The following PTPN20 variants were observed in gnomAD, a reference collection of about 807,000 sequenced individuals.
PTPN20 encodes the protein tyrosine-protein phosphatase non-receptor type 20.
PTPN20 carries 9 observed loss-of-function variants against 35.0 expected under a neutral mutation model. The ratio of observed to expected loss-of-function variants is 0.26; its 90% CI spans 0.15 to 0.45. The LOEUF (loss-of-function observed/expected upper bound fraction) is 0.45, where lower values mean the gene tolerates loss of function less well. Among genes scored for constraint, PTPN20 ranks in the 20% least tolerant of loss-of-function variants. The pLI is 1.00. For synonymous variants in PTPN20, 32 were observed against 100.2 expected (o/e 0.32, Z 4.06); for missense variants, 111 against 312.5 (o/e 0.36, Z 4.86).
intron 5 of PTPN20, among the ~76,000 whole-genome samples, chr10:46,953,591 T>C (rs1214556635): frequency 7.2e-6 from 1 of 137,964 alleles, no homozygotes; most frequent in African/African-American, 3.2e-5. Flanking sequence ...CTTCCTATTA[T>C]CCTAGTTTCC....
At chr10:46,938,271 T>C (rs2042390929) in intron 2 of PTPN20, among the ~76,000 whole-genome samples, 1 of 128,134 alleles carries the variant, frequency 7.8e-6, no homozygotes, top group Non-Finnish European at 1.6e-5. Flanking sequence ...TAAAGAATGT[T>C]GGGTTTTTCT....
At chr10:46,920,757 A>G (rs1244535367) in intron 1 of PTPN20, 1 of 127,298 alleles carries the variant, frequency 7.9e-6, no homozygotes, top group African/African-American at 3.7e-5. Flanking sequence ...TATGTTCCAT[A>G]GGGGATCTTG....
At chr10:46,953,335 TTTTCTTTCTTTC>T (rs201614690) in intron 5 of PTPN20, among the ~76,000 whole-genome samples, 6,127 of 113,454 alleles carry the variant, frequency 0.054, 176 homozygotes, top group African/African-American at 0.07. Context: ...CTTTCATTTC[TTTTCTTTCTTTC>T]TTTCTTTCTT....
intron 9 of PTPN20, among the ~76,000 whole-genome samples, chr10:46,995,032 G>A (rs1306882011): frequency 6.6e-6 from 1 of 152,034 alleles, no homozygotes; most frequent in Non-Finnish European, 1.5e-5. Flanking sequence ...CTGTTACCTT[G>A]GAGATCTCTG....
At chr10:46,938,039 C>T (rs1162981786) in intron 2 of PTPN20, among the ~76,000 whole-genome samples, 4 of 151,526 alleles carry the variant, frequency 2.6e-5, no homozygotes, top group African/African-American at 9.7e-5. Flanking sequence ...AACCTTCTGC[C>T]TCCTGGGTTC....
At chr10:46,995,331 TTC>T (rs1491119054) in intron 9 of PTPN20, among the ~76,000 whole-genome samples, 2 of 140,168 alleles carry the variant, frequency 1.4e-5, no homozygotes, top group Middle Eastern at 3.7e-3. Context: ...AATTTTTTTT[TTC>T]TTTTTTTTTT....
chr10:46,975,694 C>T (rs1191262972), intron 7 of PTPN20, among the ~76,000 whole-genome samples: 106 of 152,062 alleles, frequency 7.0e-4, no homozygotes, highest in Non-Finnish European at 1.3e-3. Flanking sequence ...GATGGAGTCT[C>T]GCTGTCGCCC....
chr10:46,972,261 T>C (rs1163121889), intron 7 of PTPN20, among the ~76,000 whole-genome samples: 107 of 151,876 alleles, frequency 7.0e-4, no homozygotes, highest in African/African-American at 2.4e-3. Context: ...AACCCAACAC[T>C]AAATGAGCAA....
chr10:46,923,244 C>T (rs11592147), intron 1 of PTPN20, among the ~76,000 whole-genome samples: 44,211 of 141,268 alleles, frequency 0.31, 9,707 homozygotes, highest in Non-Finnish European at 0.42. Flanking sequence ...AGAGTGCAGC[C>T]CTGCTGACAC....
intron 1 of PTPN20, among the ~76,000 whole-genome samples, chr10:46,921,553 G>C (rs370226790): frequency 0.017 from 2,572 of 149,792 alleles, 45 homozygotes; most frequent in Non-Finnish European, 0.026. Context: ...TATCAACTTT[G>C]TTTCCTGGAT....
At chr10:46,960,510 T>C (rs1258361116) in intron 5 of PTPN20, among the ~76,000 whole-genome samples, 2 of 151,242 alleles carry the variant, frequency 1.3e-5, no homozygotes, top group African/African-American at 4.9e-5. Flanking sequence ...ATTATTTTTA[T>C]GGCTTCCATC....
At chr10:46,953,343 C>CTTTCTTTCTTTCTT (rs2047325942) in intron 5 of PTPN20, among the ~76,000 whole-genome samples, 2 of 92,460 alleles carry the variant, frequency 2.2e-5, no homozygotes, top group Non-Finnish European at 4.1e-5. Context: ...TCTTTTCTTT[C>CTTTCTTTCTTTCTT]TTTCTTTCTT....
chr10:46,937,450 C>T (rs1190066401), intron 2 of PTPN20, among the ~76,000 whole-genome samples: 2 of 151,994 alleles, frequency 1.3e-5, no homozygotes, highest in African/African-American at 4.8e-5. Flanking sequence ...GCTATTATTT[C>T]TTCATATTTG....
At chr10:46,965,935 TGAGATGAG>T (rs2050460553) in intron 6 of PTPN20, among the ~76,000 whole-genome samples, 1 of 76,748 alleles carries the variant, frequency 1.3e-5, no homozygotes, top group Non-Finnish European at 2.4e-5. Flanking sequence ...TTTTTTTTTT[TGAGATGAG>T]TCTTGCTCTT....
chr10:46,950,603 T>C (rs1184414936), intron 5 of PTPN20, among the ~76,000 whole-genome samples: 16 of 152,190 alleles, frequency 1.1e-4, no homozygotes, highest in African/African-American at 1.7e-4. Context: ...ATTTTGTACC[T>C]ATTTAACATT....
intron 1 of PTPN20, chr10:46,911,800 G>T: frequency 8.9e-6 from 1 of 112,390 alleles, no homozygotes; most frequent in South Asian, 5.8e-5. Context: ...TGTGGTAGGG[G>T]AATGCCACCA....
chr10:46,998,233 T>C (rs1420130329), intron 9 of PTPN20, among the ~76,000 whole-genome samples: 2 of 152,148 alleles, frequency 1.3e-5, no homozygotes, highest in East Asian at 1.9e-4. Context: ...CCAGATGTCC[T>C]TCAACAAATT....
intron 4 of PTPN20, among the ~76,000 whole-genome samples, chr10:46,945,822 AGAG>A (rs2044588466): frequency 1.4e-5 from 2 of 142,408 alleles, no homozygotes; most frequent in African/African-American, 5.4e-5. Context: ...GTAGCTAGAC[AGAG>A]TTTAAAGCAT....
At chr10:46,992,893 T>C (rs2058265444) in intron 9 of PTPN20, among the ~76,000 whole-genome samples, 1 of 152,206 alleles carries the variant, frequency 6.6e-6, no homozygotes, top group Non-Finnish European at 1.5e-5. Context: ...GATGAGGCTT[T>C]TTGTTTTTAT....
Sources: gnomAD v4.1 joint callset for allele counts (sites outside exome capture counted in the v4.1 genomes callset) on GRCh38, gnomAD v4.1.1 for gene constraint, MANE v1.5 for transcripts, NCBI Gene and HGNC (gene_info 2026-07-23, HGNC 2026-07-21) for gene names.